The following APBB2 variants were observed in gnomAD, a reference collection of about 807,000 sequenced individuals.
APBB2 encodes the protein amyloid beta precursor protein binding family B member 2, also known as Fe65-like 1.
Under a neutral mutation model 82.5 loss-of-function variants are expected in APBB2, and 38 were observed. The observed-to-expected ratio is 0.46, with a 90% CI of 0.36 to 0.60. The LOEUF is 0.60. APBB2 is among the 20% of genes least tolerant of loss of function. The pLI is 0.00. For missense variants in APBB2, 772 were observed against 972.3 expected, an observed-to-expected ratio of 0.79 and a Z score of 2.74; for synonymous variants, 341 against 368.2, an observed-to-expected ratio of 0.93 and a Z score of 0.85.
At chr4:40,842,737 T>TA (rs1409670835) in intron 12 of APBB2, among the ~76,000 whole-genome samples, 1 of 152,084 alleles carries the variant, frequency 6.6e-6, no homozygotes, top group Non-Finnish European at 1.5e-5. Flanking sequence ...CTGCTCCCAA[T>TA]AAAAAACATA....
In APBB2 at chr4:41,102,584, A is replaced by G. The variant is rs531113846; in HGVS notation, c.-260-1834T>C. The stretch of plus-strand genomic sequence containing the variant: ...GCACTTGGGCCAAAACCAGCTGCAT[A>G]TGGTTACACAGAATGAACACAGTCC... On this transcript the variant is annotated intron_variant, in intron 2 of 17. Coordinates refer to ENST00000508593, the MANE Select transcript of APBB2 (RefSeq NM_004307.2). Among the ~76,000 whole-genome samples, 21 of 152,346 alleles carry G rather than the reference A, an allele frequency of 1.4e-4. 1 individual carries two copies. The East Asian group carries it at 2.9e-3, about 21-fold the overall frequency.
At chr4:41,068,995 C>T (rs1732912685) in intron 3 of APBB2, among the ~76,000 whole-genome samples, 1 of 151,964 alleles carries the variant, frequency 6.6e-6, no homozygotes, top group South Asian at 2.1e-4. Context: ...GGGGTTTCAC[C>T]ATGTTGGCCA....
chr4:40,876,244 A>G (rs1185882557), intron 12 of APBB2, among the ~76,000 whole-genome samples: 4 of 152,226 alleles, frequency 2.6e-5, no homozygotes, highest in Non-Finnish European at 5.9e-5. Context: ...GCATATATTT[A>G]AAATATCCAA....
rs759779073 is a variant in APBB2, at chr4:40,890,345, G to A, written c.1529+19C>T. 6.2e-7 allele frequency: 1 copy of A among 1,608,706 alleles called. No individual in the cohort carries two copies. The highest frequency in any genetic ancestry group is 1.7e-5 in the Admixed American group (1 of 59,658). ...GGACACGGGTGAGGTGACCCAGACT[G>A]CCCCACCCAGGGACTCACCGGCCAT... On this transcript the variant is annotated intron_variant, in intron 12 of 17. Transcript: ENST00000508593.
chr4:41,173,172 C>A (rs1428577663), intron 1 of APBB2, among the ~76,000 whole-genome samples: 1 of 152,196 alleles, frequency 6.6e-6, no homozygotes. Context: ...GAAAAACTCG[C>A]TTTTATCTCA....
chr4:40,856,507 A>G (rs569135722), intron 12 of APBB2, among the ~76,000 whole-genome samples: 32 of 152,354 alleles, frequency 2.1e-4, no homozygotes, highest in South Asian at 1.7e-3. Flanking sequence ...AACTAAAATC[A>G]TTTGGAAATG....
In APBB2 at chr4:40,972,427, CAAAA is replaced by C. The variant is rs11349428; in HGVS notation, c.836-27358_836-27355del. On this transcript the variant is annotated intron_variant, in intron 6 of 17. Coordinates refer to ENST00000508593, the MANE Select transcript of APBB2 (RefSeq NM_004307.2). ...TGGGTGACAGAGCGAGACTCCATCTCAAAAAAAAAAAAAATAATAATAAATAAAT... is the reference window on the plus strand; with the variant it reads ...TGGGTGACAGAGCGAGACTCCATCTCAAAAAAAAAATAATAATAAATAAAT... Among the ~76,000 whole-genome samples the C allele has an allele frequency of 4.3e-3, 541 of 126,386 alleles. 2 individuals are homozygous for C. Among genetic ancestry groups the C allele is most frequent in the Middle Eastern group, 0.013 (3 of 224 alleles). The allele number at this position is 126,386 out of a possible 152,430, so 82.9% of individuals were successfully genotyped here.
intron 6 of APBB2, among the ~76,000 whole-genome samples, chr4:41,007,970 G>A (rs1807249561): frequency 6.6e-6 from 1 of 152,190 alleles, no homozygotes; most frequent in African/African-American, 2.4e-5. Flanking sequence ...GACTTTATAA[G>A]GACTTTATAC....
rs576533370 is a variant in APBB2, at chr4:40,855,500, C to T, written c.1530-24923G>A. ...TGTAATCCCAGCACTTTGGGAGAAC[C>T]GAGGCAGGTGGATCACCCAAGGTCA... On this transcript the variant is annotated intron_variant, in intron 12 of 17. Coordinates refer to ENST00000508593, the MANE Select transcript of APBB2 (RefSeq NM_004307.2). Among the ~76,000 whole-genome samples, 17 of 152,118 alleles carry T rather than the reference C, an allele frequency of 1.1e-4. 1 individual carries two copies. The highest frequency in any genetic ancestry group is 3.9e-4 in the East Asian group (2 of 5,170).
chr4:40,843,389 G>A (rs1197276345), intron 12 of APBB2, among the ~76,000 whole-genome samples: 1 of 152,084 alleles, frequency 6.6e-6, no homozygotes, highest in Non-Finnish European at 1.5e-5. Context: ...ACCCTGAGGC[G>A]GAACAATGAC....
intron 1 of APBB2, among the ~76,000 whole-genome samples, chr4:41,159,651 T>C (rs1764327445): frequency 1.3e-5 from 2 of 152,244 alleles, no homozygotes; most frequent in African/African-American, 4.8e-5. Flanking sequence ...TATAGAGATA[T>C]TACTTTTCCC....
chr4:41,048,242 G>C (rs1298915801), intron 4 of APBB2, among the ~76,000 whole-genome samples: 1 of 152,116 alleles, frequency 6.6e-6, no homozygotes, highest in Non-Finnish European at 1.5e-5. Context: ...TTAAATTTTG[G>C]AGCATTTCAG....
intron 1 of APBB2, among the ~76,000 whole-genome samples, chr4:41,185,730 G>A (rs1423017119): frequency 1.3e-5 from 2 of 152,070 alleles, no homozygotes; most frequent in African/African-American, 4.8e-5. Context: ...CCTATAACCG[G>A]CTAGTCATTT....
At chr4:40,871,869 A>G (rs1192906629) in intron 12 of APBB2, among the ~76,000 whole-genome samples, 1 of 152,252 alleles carries the variant, frequency 6.6e-6, no homozygotes, top group Non-Finnish European at 1.5e-5. Flanking sequence ...ATGGCTGTCA[A>G]GGAATTCACA....
At chr4:40,975,158 C>T (rs888316662) in intron 6 of APBB2, among the ~76,000 whole-genome samples, 4 of 152,092 alleles carry the variant, frequency 2.6e-5, no homozygotes, top group Non-Finnish European at 4.4e-5. Flanking sequence ...TCTGCTGATC[C>T]GTCCTCCCAC....
rs1744699631 is a variant in APBB2, at chr4:40,812,918, A to C, written c.*3174T>G. 6.6e-6 allele frequency: 1 copy of C among 152,250 alleles called. No individual in the cohort carries two copies. Among genetic ancestry groups the C allele is most frequent in the African/African-American group, 2.4e-5 (1 of 41,474 alleles). 9.4% of individuals were successfully genotyped at this position (152,250 alleles called of 1,614,324 possible). On this transcript the variant is annotated 3_prime_UTR_variant, in exon 18 of 18. Coordinates refer to ENST00000508593, the MANE Select transcript of APBB2 (RefSeq NM_004307.2). ...GGAAACAAAGGGCATGTGTACATGT[A>C]TATATCTCTTAGATGAAATCACACA...
intron 2 of APBB2, among the ~76,000 whole-genome samples, chr4:41,129,858 A>G (rs894564464): frequency 2.0e-5 from 3 of 152,100 alleles, no homozygotes; most frequent in African/African-American, 4.8e-5. Context: ...GAGAGAGACA[A>G]TAACTTAAAA....
Position 40,934,651 on chromosome 4 carries a change from C to T in APBB2, c.1156G>A (p.Glu386Lys). ...GATGCATAGCGTAGGGTTGCTCCTT[C>T]AAACTCTTTTAAACTGGGGTCCGGG... ...VNPDPSLKEF[E>K]GATLRYASLK... The change falls in exon 9 of 18, where the codon GAA becomes AAA. Residue 386 changes from glutamate to lysine, a missense_variant. Coordinates refer to ENST00000508593, the MANE Select transcript of APBB2 (RefSeq NM_004307.2). 2 of 1,614,166 alleles carry T rather than the reference C, an allele frequency of 1.2e-6. No individual in the cohort carries two copies. The highest frequency in any genetic ancestry group is 1.7e-6 in the Non-Finnish European group (2 of 1,179,988).
chr4:40,991,713 T>A (rs1802149136), intron 6 of APBB2, among the ~76,000 whole-genome samples: 1 of 152,062 alleles, frequency 6.6e-6, no homozygotes, highest in Admixed American at 6.5e-5. Context: ...GACACACTTG[T>A]TAATTTACAG....
Sources: gnomAD v4.1 joint callset for allele counts (sites outside exome capture counted in the v4.1 genomes callset) on GRCh38, gnomAD v4.1.1 for gene constraint, MANE v1.5 for transcripts, NCBI Gene and HGNC (gene_info 2026-07-23, HGNC 2026-07-21) for gene names.